The following TMEM132D variants were observed in gnomAD, a reference collection of about 807,000 sequenced individuals.
TMEM132D encodes transmembrane protein 132D.
Under a neutral mutation model 62.3 loss-of-function variants are expected in TMEM132D, and 21 were observed. The ratio of observed to expected loss-of-function variants is 0.34; its 90% confidence interval spans 0.24 to 0.49. TMEM132D has a LOEUF of 0.49. TMEM132D is among the 20% of genes least tolerant of loss of function. The pLI is 0.99. For missense variants in TMEM132D, 1,346 were observed against 1,402.8 expected (o/e 0.96, Z 0.65); for synonymous variants, 621 against 575.6 (o/e 1.08, Z -1.13).
At chr12:129,128,563 T>G (rs1876282924) in intron 5 of TMEM132D, among the ~76,000 whole-genome samples, 1 of 152,104 alleles carries the variant, frequency 6.6e-6, no homozygotes, top group Non-Finnish European at 1.5e-5. Flanking sequence ...GTCCCTCCCT[T>G]GACATGTGGG....
At chr12:129,281,628 T>C (rs560504709) in intron 4 of TMEM132D, among the ~76,000 whole-genome samples, 147 of 152,144 alleles carry the variant, frequency 9.7e-4, no homozygotes, top group African/African-American at 3.4e-3. Flanking sequence ...GACGCCCCCG[T>C]AGCAGACCAC....
chr12:129,815,858 A>G (rs1872328161), intron 1 of TMEM132D, among the ~76,000 whole-genome samples: 1 of 152,222 alleles, frequency 6.6e-6, no homozygotes, highest in Non-Finnish European at 1.5e-5. Context: ...ATATGGACAA[A>G]TGTCACGACT....
chr12:129,703,432 C>A (rs1881429260), intron 1 of TMEM132D, among the ~76,000 whole-genome samples: 1 of 150,416 alleles, frequency 6.6e-6, no homozygotes, highest in Non-Finnish European at 1.5e-5. Flanking sequence ...TAAAATTGCT[C>A]CATTTTGACC....
At chr12:129,450,834 G>A (rs1238370302) in intron 3 of TMEM132D, among the ~76,000 whole-genome samples, 1 of 138,602 alleles carries the variant, frequency 7.2e-6, no homozygotes, top group Non-Finnish European at 1.5e-5. Context: ...TCAGCTCACT[G>A]CAACTTCTGC....
At chr12:129,785,492 T>A (rs1471305716) in intron 1 of TMEM132D, among the ~76,000 whole-genome samples, 1 of 152,222 alleles carries the variant, frequency 6.6e-6, no homozygotes, top group Non-Finnish European at 1.5e-5. Flanking sequence ...ACGTTATTTC[T>A]TGACTCCAAT....
intron 4 of TMEM132D, among the ~76,000 whole-genome samples, chr12:129,308,518 C>A (rs1881895781): frequency 6.6e-6 from 1 of 152,072 alleles, no homozygotes. Flanking sequence ...CTACTTTGGC[C>A]AACGTTTCAA....
intron 3 of TMEM132D, among the ~76,000 whole-genome samples, chr12:129,378,939 C>T (rs1003576424): frequency 7.9e-5 from 12 of 152,034 alleles, no homozygotes; most frequent in African/African-American, 2.7e-4. Context: ...AATGTGCCTG[C>T]GGATTTTGTC....
intron 5 of TMEM132D, among the ~76,000 whole-genome samples, chr12:129,105,952 A>G (rs1372595060): frequency 6.6e-6 from 1 of 151,510 alleles, no homozygotes; most frequent in East Asian, 1.9e-4. Context: ...ATGCTGCTAT[A>G]AAGACACATG....
intron 5 of TMEM132D, among the ~76,000 whole-genome samples, chr12:129,151,547 C>T (rs898002529): frequency 1.1e-4 from 16 of 152,134 alleles, no homozygotes; most frequent in Admixed American, 6.5e-5. Flanking sequence ...GGGTGACATG[C>T]GGCTGAAAGG....
intron 2 of TMEM132D, among the ~76,000 whole-genome samples, chr12:129,596,942 T>C (rs1878353859): frequency 6.6e-6 from 1 of 152,192 alleles, no homozygotes; most frequent in African/African-American, 2.4e-5. Flanking sequence ...AGGCATTTGA[T>C]GATGTGAAGA....
chr12:129,683,448 G>A (rs12426553), intron 2 of TMEM132D, among the ~76,000 whole-genome samples: 1 of 152,278 alleles, frequency 6.6e-6, no homozygotes, highest in African/African-American at 2.4e-5. Context: ...TATTTAATGA[G>A]TGCTGGCTAT....
chr12:129,687,596 G>A (rs1880963303), intron 2 of TMEM132D, among the ~76,000 whole-genome samples: 2 of 152,006 alleles, frequency 1.3e-5, no homozygotes, highest in African/African-American at 4.8e-5. Flanking sequence ...CTTGCCCAGA[G>A]GACATTTTTT....
intron 3 of TMEM132D, among the ~76,000 whole-genome samples, chr12:129,517,154 T>A (rs1875706623): frequency 6.6e-6 from 1 of 151,810 alleles, no homozygotes; most frequent in Non-Finnish European, 1.5e-5. Flanking sequence ...AGGGTGAGGG[T>A]GGGAGTGGGA....
At chr12:129,529,409 C>T (rs1260035609) in intron 3 of TMEM132D, among the ~76,000 whole-genome samples, 1 of 152,238 alleles carries the variant, frequency 6.6e-6, no homozygotes, top group Non-Finnish European at 1.5e-5. Flanking sequence ...AAAAAGGCAG[C>T]TTACATTTCA....
intron 4 of TMEM132D, among the ~76,000 whole-genome samples, chr12:129,313,104 G>C (rs1158415416): frequency 6.6e-6 from 1 of 152,176 alleles, no homozygotes; most frequent in East Asian, 1.9e-4. Context: ...TTACTAGAGA[G>C]CCAAGAGGAA....
At chr12:129,217,332 A>G (rs1452444742) in intron 4 of TMEM132D, among the ~76,000 whole-genome samples, 1 of 152,196 alleles carries the variant, frequency 6.6e-6, no homozygotes, top group Non-Finnish European at 1.5e-5. Flanking sequence ...GTTCTCACTT[A>G]TAAGTGTGAG....
intron 3 of TMEM132D, among the ~76,000 whole-genome samples, chr12:129,359,479 C>T (rs1220705892): frequency 6.6e-6 from 1 of 152,042 alleles, no homozygotes; most frequent in African/African-American, 2.4e-5. Context: ...TCTGGCCAGT[C>T]AAATCCAAGC....
intron 1 of TMEM132D, among the ~76,000 whole-genome samples, chr12:129,738,105 G>A (rs759745484): frequency 1.8e-4 from 27 of 152,122 alleles, no homozygotes; most frequent in East Asian, 3.8e-4. Flanking sequence ...TCCTCCATTC[G>A]TTTTTCAAAA....
chr12:129,405,447 A>G lies in TMEM132D; in HGVS notation c.1116-67630T>C, dbSNP rs374689614. 8.5e-5 allele frequency among the ~76,000 whole-genome samples: 13 copies of G among 152,164 alleles called. 2 individuals carry two copies. Among genetic ancestry groups the G allele is most frequent in the East Asian group, 5.8e-4 (3 of 5,190 alleles). ...GGGGAGACACAAACATTCAGCCCAT[A>G]ACTATTAGGGATTGAACAAATACAT... On this transcript the variant is annotated intron_variant, in intron 3 of 8. Coordinates refer to ENST00000422113, the MANE Select transcript of TMEM132D (RefSeq NM_133448.3).
Sources: gnomAD v4.1 joint callset for allele counts (sites outside exome capture counted in the v4.1 genomes callset) on GRCh38, gnomAD v4.1.1 for gene constraint, MANE v1.5 for transcripts, NCBI Gene and HGNC (gene_info 2026-07-23, HGNC 2026-07-21) for gene names.